The following PNKD variants were observed in gnomAD, a reference collection of about 807,000 sequenced individuals.
PNKD encodes probable thioesterase PNKD.
A neutral mutation model predicts 45.3 loss-of-function variants in PNKD; 36 were observed. The observed-to-expected ratio is 0.80, with a 90% CI of 0.61 to 1.05. PNKD has a LOEUF of 1.05. Among genes scored for constraint, PNKD ranks in the 50% least tolerant of loss-of-function variants. The pLI, the probability that PNKD is intolerant of heterozygous loss-of-function variation, is 0.00. For synonymous variants in PNKD, 197 were observed against 210.1 expected, an observed-to-expected ratio of 0.94 and a Z score of 0.54; for missense variants, 511 against 506.6, an observed-to-expected ratio of 1.01 and a Z score of -0.08.
At chr2:218,273,869 C>T (rs1690972628) in intron 2 of PNKD, among the ~76,000 whole-genome samples, 1 of 152,158 alleles carries the variant, frequency 6.6e-6, no homozygotes, top group African/African-American at 2.4e-5. Flanking sequence ...CCTCCTCCAT[C>T]TGCAAAACTG....
chr2:218,331,115 C>G (rs1488581596), intron 2 of PNKD, among the ~76,000 whole-genome samples: 1 of 152,176 alleles, frequency 6.6e-6, no homozygotes, highest in East Asian at 1.9e-4. Flanking sequence ...GGATTGAAGA[C>G]AGAAGGGCAC....
intron 5 of PNKD, among the ~76,000 whole-genome samples, chr2:218,341,178 AAC>A (rs1694662430): frequency 6.6e-6 from 1 of 152,240 alleles, no homozygotes; most frequent in African/African-American, 2.4e-5. Context: ...CAACCTGGGC[AAC>A]ATAGTGAGAC....
chr2:218,342,065 G>A lies in PNKD; in HGVS notation c.702G>A (p.Leu234=), dbSNP rs769506823. ...LATPGHTQGH[L]VYLLDGEPYK... ...CACCTGGCCACACACAAGGCCATCT[G>A]GTCTACCTACTGGATGGGGAGCCCT... Residue 234 remains leucine, a synonymous_variant, in exon 7 of 10, where the codon CTG becomes CTA. Transcript: ENST00000273077. 6.2e-7 allele frequency: 1 copy of A among 1,612,266 alleles called. No individual in the cohort carries two copies. Among genetic ancestry groups the A allele is most frequent in the Non-Finnish European group, 8.5e-7 (1 of 1,178,320 alleles).
chr2:218,289,805 T>C (rs1443904994), intron 2 of PNKD, among the ~76,000 whole-genome samples: 2 of 152,048 alleles, frequency 1.3e-5, no homozygotes, highest in African/African-American at 4.8e-5. Flanking sequence ...CAGAAGTACA[T>C]GGCATGTTCT....
At chr2:218,333,781 G>T (rs1694398921) in intron 2 of PNKD, among the ~76,000 whole-genome samples, 1 of 152,036 alleles carries the variant, frequency 6.6e-6, no homozygotes, top group Admixed American at 6.6e-5. Flanking sequence ...GGTGGTGTCT[G>T]TCAGAGGAAA....
chr2:218,282,377 C>T (rs553637239), intron 2 of PNKD, among the ~76,000 whole-genome samples: 51 of 152,318 alleles, frequency 3.3e-4, no homozygotes, highest in South Asian at 6.2e-4. Flanking sequence ...CCTGCCTTTG[C>T]GCCTGCTTCT....
At chr2:218,291,620 G>A (rs2106243048) in intron 2 of PNKD, among the ~76,000 whole-genome samples, 1 of 152,280 alleles carries the variant, frequency 6.6e-6, no homozygotes, top group African/African-American at 2.4e-5. Context: ...AGACCCCATA[G>A]GACAAGAATT....
chr2:218,324,415 C>G (rs1694084721), intron 2 of PNKD, among the ~76,000 whole-genome samples: 1 of 152,236 alleles, frequency 6.6e-6, no homozygotes, highest in African/African-American at 2.4e-5. Context: ...CAGACCACCC[C>G]ACACGCCCAG....
At chr2:218,318,780 A>G (rs1357622985) in intron 2 of PNKD, among the ~76,000 whole-genome samples, 1 of 152,110 alleles carries the variant, frequency 6.6e-6, no homozygotes, top group South Asian at 2.1e-4. Context: ...ATAACATCAC[A>G]TTGTGAAAAG....
At chr2:218,316,199 T>C (rs1488635190) in intron 2 of PNKD, among the ~76,000 whole-genome samples, 1 of 151,892 alleles carries the variant, frequency 6.6e-6, no homozygotes, top group African/African-American at 2.4e-5. Context: ...AACTAGATTG[T>C]GTTGAGATAA....
chr2:218,331,670 A>T (rs1450660441), intron 2 of PNKD, among the ~76,000 whole-genome samples: 1 of 151,936 alleles, frequency 6.6e-6, no homozygotes, highest in Non-Finnish European at 1.5e-5. Context: ...GTTTCACCAT[A>T]TTGGTCAGAC....
At chr2:218,316,642 G>A (rs1250659164) in intron 2 of PNKD, 1 of 152,120 alleles carries the variant, frequency 6.6e-6, no homozygotes, top group Non-Finnish European at 1.5e-5. Context: ...TATGTAGAGG[G>A]GTAGGTAGTC....
intron 2 of PNKD, chr2:218,273,084 C>T: frequency 1.8e-6 from 1 of 552,648 alleles, no homozygotes; most frequent in Non-Finnish European, 2.9e-6. Context: ...GTGCAACCAG[C>T]CTAGGCCCCG....
At chr2:218,316,268 CTTTTTTTTT>C (rs397972881) in intron 2 of PNKD, among the ~76,000 whole-genome samples, 2 of 119,586 alleles carry the variant, frequency 1.7e-5, no homozygotes, top group African/African-American at 6.5e-5. Flanking sequence ...TTCTTTCTTT[CTTTTTTTTT>C]TTTTTTTTTT....
At chr2:218,322,053 G>A (rs1019576765) in intron 2 of PNKD, among the ~76,000 whole-genome samples, 3 of 151,216 alleles carry the variant, frequency 2.0e-5, no homozygotes, top group African/African-American at 7.3e-5. Flanking sequence ...CTCCCGAGTA[G>A]CTAGGATTAC....
chr2:218,335,324 A>G (rs1431413181), intron 2 of PNKD, among the ~76,000 whole-genome samples: 1 of 152,084 alleles, frequency 6.6e-6, no homozygotes, highest in Non-Finnish European at 1.5e-5. Context: ...TCTACTAAAA[A>G]TACAAAATTA....
chr2:218,338,610 G>A (rs1438880002), intron 2 of PNKD, among the ~76,000 whole-genome samples: 1 of 151,408 alleles, frequency 6.6e-6, no homozygotes, highest in Non-Finnish European at 1.5e-5. Context: ...CTACAAAAAA[G>A]ATAATTGGGA....
chr2:218,298,096 G>A (rs1574674506), intron 2 of PNKD, among the ~76,000 whole-genome samples: 1 of 152,138 alleles, frequency 6.6e-6, no homozygotes, highest in South Asian at 2.1e-4. Flanking sequence ...GTGAAAGGCA[G>A]TGAGAAAGGC....
intron 2 of PNKD, among the ~76,000 whole-genome samples, chr2:218,303,356 C>G (rs1408333357): frequency 6.6e-6 from 1 of 152,000 alleles, no homozygotes; most frequent in Non-Finnish European, 1.5e-5. Context: ...ACAAAGGAAG[C>G]CATTGAGTGA....
Sources: gnomAD v4.1 joint callset for allele counts (sites outside exome capture counted in the v4.1 genomes callset) on GRCh38, gnomAD v4.1.1 for gene constraint, MANE v1.5 for transcripts, NCBI Gene and HGNC (gene_info 2026-07-23, HGNC 2026-07-21) for gene names.